CNOT4: variants seen among roughly 807,000 people sequenced by gnomAD.
CNOT4 encodes CCR4-NOT transcription complex subunit 4.
CNOT4 carries 8 observed loss-of-function variants against 73.8 expected under a neutral mutation model. That is an observed-to-expected ratio of 0.11 (90% CI 0.06 to 0.20). The LOEUF is 0.20. Among genes scored for constraint, CNOT4 ranks in the 10% least tolerant of loss-of-function variants. The pLI, the probability that CNOT4 is intolerant of heterozygous loss-of-function variation, is 1.00. For missense variants in CNOT4, 564 were observed against 883.4 expected (o/e 0.64, Z 4.58); for synonymous variants, 293 against 321.1 (o/e 0.91, Z 0.94).
In CNOT4 at chr7:135,510,091, TAA is replaced by T. The variant is rs935186257; in HGVS notation, c.-297_-296del. On this transcript the variant is annotated 5_prime_UTR_variant, in exon 1 of 12. Coordinates refer to ENST00000541284, the MANE Select transcript of CNOT4 (RefSeq NM_001190850.2). ...GACGGGCCACCATCTTACATTAGGG[TAA>T]GACTCCTCCGGCCTCCCGTGCGCAG... 1.8e-5 allele frequency: 7 copies of T among 398,634 alleles called. No individual in the cohort carries two copies. Among genetic ancestry groups the T allele is most frequent in the Non-Finnish European group, 3.1e-5 (7 of 226,022 alleles). The allele number at this position is 398,634 out of a possible 1,614,324, so 24.7% of individuals were successfully genotyped here.
intron 1 of CNOT4, among the ~76,000 whole-genome samples, chr7:135,483,057 G>A (rs1326463711): frequency 6.7e-6 from 1 of 150,268 alleles, no homozygotes; most frequent in Non-Finnish European, 1.5e-5. Context: ...AATCTAGTCT[G>A]TGAACAGTGG....
chr7:135,424,078 CACACACACACACA>C (rs1048304658), intron 2 of CNOT4, among the ~76,000 whole-genome samples: 5 of 107,606 alleles, frequency 4.6e-5, no homozygotes, highest in Admixed American at 2.9e-4. Context: ...CACACACACA[CACACACACACACA>C]TTTTTTATTA....
At chr7:135,492,469 G>A (rs1218242591) in intron 1 of CNOT4, among the ~76,000 whole-genome samples, 3 of 152,274 alleles carry the variant, frequency 2.0e-5, no homozygotes, top group Admixed American at 6.5e-5. Context: ...GGAAATCAAC[G>A]GGGCAAGGTA....
intron 1 of CNOT4, among the ~76,000 whole-genome samples, chr7:135,480,072 G>A (rs1244396331): frequency 1.3e-5 from 2 of 152,082 alleles, no homozygotes; most frequent in Non-Finnish European, 2.9e-5. Flanking sequence ...AAAAAATGCT[G>A]CTTATTTTAG....
At position 135,394,245 on chromosome 7, in the gene CNOT4, T is replaced by A; in HGVS notation, c.1300A>T (p.Thr434Ser). 2 of 1,614,164 alleles carry A rather than the reference T, an allele frequency of 1.2e-6. No homozygotes were observed. The highest frequency in any genetic ancestry group is 1.7e-6 in the Non-Finnish European group (2 of 1,180,008). Reference protein sequence around the residue: ...SVQDQPSLSPTSLQNSSSHTT... With the variant: ...SVQDQPSLSPSSLQNSSSHTT... Reference sequence around the variant, plus strand: ...TGTGAAGAGGAGTTCTGAAGAGATGTGGGCGAAAGGGAAGGTTGGTCTTGA... The same window carrying A: ...TGTGAAGAGGAGTTCTGAAGAGATGAGGGCGAAAGGGAAGGTTGGTCTTGA... Residue 434 changes from threonine (T) to serine (S), a missense_variant, in exon 10 of 12, where the codon ACA becomes TCA. Transcript: ENST00000541284.
At chr7:135,411,452 T>C (rs1797586554) in intron 6 of CNOT4, among the ~76,000 whole-genome samples, 1 of 151,954 alleles carries the variant, frequency 6.6e-6, no homozygotes. Flanking sequence ...AACTGGCCTT[T>C]ACAGAAAAAG....
chr7:135,444,009 G>A (rs1324089384), intron 1 of CNOT4, among the ~76,000 whole-genome samples: 1 of 151,926 alleles, frequency 6.6e-6, no homozygotes. Context: ...GTGTGGTAGT[G>A]CACACCTGTA....
chr7:135,414,563 T>C (rs769148890), intron 4 of CNOT4, 131 bp from the exon 5 acceptor site: 5 of 536,466 alleles, frequency 9.3e-6, no homozygotes, highest in Middle Eastern at 2.9e-4. Context: ...TTAGTAGTAG[T>C]AGTGGCAGTT....
At chr7:135,430,081 A>G (rs1798725574) in intron 2 of CNOT4, among the ~76,000 whole-genome samples, 1 of 152,236 alleles carries the variant, frequency 6.6e-6, no homozygotes, top group Non-Finnish European at 1.5e-5. Flanking sequence ...CATGCCAATC[A>G]TGAATTTAGA....
At chr7:135,507,665 C>T (rs1804466941) in intron 1 of CNOT4, among the ~76,000 whole-genome samples, 1 of 152,142 alleles carries the variant, frequency 6.6e-6, no homozygotes. Context: ...GACAAACAAT[C>T]CTCTCCTAGA....
chr7:135,414,544 T>G, intron 4 of CNOT4, 112 bp from the exon 5 acceptor site: 1 of 586,584 alleles, frequency 1.7e-6, no homozygotes, highest in South Asian at 2.6e-5. Flanking sequence ...CTATTACTAA[T>G]GACAATAATT....
intron 1 of CNOT4, among the ~76,000 whole-genome samples, chr7:135,445,502 A>T (rs1799771784): frequency 1.3e-5 from 2 of 152,158 alleles, no homozygotes; most frequent in South Asian, 4.1e-4. Context: ...AAATGCTTGG[A>T]GTGCTTCTGA....
intron 2 of CNOT4, among the ~76,000 whole-genome samples, chr7:135,436,319 G>A (rs750100234): frequency 6.7e-6 from 1 of 149,774 alleles, no homozygotes; most frequent in Admixed American, 6.7e-5. Flanking sequence ...TTAATAACTG[G>A]TCCTTTTAAG....
At chr7:135,470,342 G>A (rs1801500232) in intron 1 of CNOT4, among the ~76,000 whole-genome samples, 1 of 151,848 alleles carries the variant, frequency 6.6e-6, no homozygotes, top group Admixed American at 6.6e-5. Flanking sequence ...GTATTGCACA[G>A]GCTGGTCTCA....
At position 135,394,538 on chromosome 7, in the gene CNOT4, T is replaced by C. The variant is rs1301331123; in HGVS notation, c.1130-123A>G. ...AAATTAAGTAAGTGCAAAATCTATG[T>C]GACTTCTTAGCACATTAAGATCATA... On this transcript the variant is annotated intron_variant, in intron 9 of 11. Coordinates refer to ENST00000541284, the MANE Select transcript of CNOT4 (RefSeq NM_001190850.2). The C allele has an allele frequency of 5.2e-6, 4 of 776,636 alleles. No homozygotes were observed. In the East Asian group the frequency reaches 1.0e-4, roughly 19 times the overall value. 48.1% of individuals were successfully genotyped at this position (776,636 alleles called of 1,614,324 possible). A position where few individuals can be genotyped will look rare whatever the true frequency, so the allele number is the denominator to read the frequency against.
intron 10 of CNOT4, among the ~76,000 whole-genome samples, chr7:135,390,337 T>C (rs551247576): frequency 2.4e-4 from 37 of 152,130 alleles, no homozygotes; most frequent in Non-Finnish European, 5.0e-4. Context: ...TTAAGCTTTC[T>C]GGAACACAGC....
rs187790751 is a variant in CNOT4 at position 135,434,313 on chromosome 7, C to T, written c.174+3845G>A. On this transcript the variant is annotated intron_variant, in intron 2 of 11. Coordinates refer to ENST00000541284, the MANE Select transcript of CNOT4 (RefSeq NM_001190850.2). ...CTTCACAAATATTTATCTTGCGCTG[C>T]GCTGAGCAGATTCTCTGGCAAGACT... Among the ~76,000 whole-genome samples, 59 of 152,330 alleles carry T rather than the reference C, an allele frequency of 3.9e-4. No homozygotes were observed. The East Asian group carries it at 8.5e-3, about 22-fold the overall frequency.
chr7:135,476,720 C>T (rs922251549), intron 1 of CNOT4, among the ~76,000 whole-genome samples: 1 of 152,102 alleles, frequency 6.6e-6, no homozygotes, highest in African/African-American at 2.4e-5. Context: ...GCCTGTAATA[C>T]CAGCACTTTG....
intron 10 of CNOT4, among the ~76,000 whole-genome samples, chr7:135,366,704 G>C (rs1273416701): frequency 6.6e-6 from 1 of 152,214 alleles, no homozygotes; most frequent in Non-Finnish European, 1.5e-5. Flanking sequence ...CAGGGAAGTA[G>C]AATGATGCTT....
Sources: allele counts gnomAD v4.1 joint callset (sites outside exome capture counted in the v4.1 genomes callset), GRCh38; gene constraint gnomAD v4.1.1; transcripts MANE v1.5; gene names NCBI Gene and HGNC (gene_info 2026-07-23, HGNC 2026-07-21).